The following RASGRF2 variants were observed in gnomAD, a reference collection of about 807,000 sequenced individuals.
RASGRF2 encodes the protein Ras protein specific guanine nucleotide releasing factor 2.
RASGRF2 carries 76 observed loss-of-function variants against 151.0 expected under a neutral mutation model. That is an observed-to-expected ratio of 0.50 (90% CI 0.42 to 0.61). RASGRF2 has a LOEUF of 0.61. Ranked by LOEUF, RASGRF2 falls within the 20% of genes least tolerant of loss-of-function variation. The probability of loss-of-function intolerance (pLI) is 0.00; values close to 1 mark genes in which losing one functional copy is unlikely to be tolerated. For missense variants in RASGRF2, 1,148 were observed against 1,564.6 expected, an observed-to-expected ratio of 0.73 and a Z score of 4.49; for synonymous variants, 504 against 566.5, an observed-to-expected ratio of 0.89 and a Z score of 1.57.
At chr5:80,963,247 G>A (rs898860292) in intron 1 of RASGRF2, among the ~76,000 whole-genome samples, 4 of 152,312 alleles carry the variant, frequency 2.6e-5, no homozygotes, top group Admixed American at 2.0e-4. Context: ...ATCTGTGGAG[G>A]ATGTGAGGAG....
intron 1 of RASGRF2, among the ~76,000 whole-genome samples, chr5:81,000,708 T>C (rs1284465272): frequency 6.6e-6 from 1 of 152,222 alleles, no homozygotes; most frequent in African/African-American, 2.4e-5. Context: ...TCTGATGGCA[T>C]GGGACTGGTG....
chr5:81,216,654 A>C (rs1052640676), intron 24 of RASGRF2, among the ~76,000 whole-genome samples: 1 of 152,204 alleles, frequency 6.6e-6, no homozygotes, highest in Admixed American at 6.5e-5. Flanking sequence ...TCAAGAGATA[A>C]GCTTTTCTAT....
intron 1 of RASGRF2, among the ~76,000 whole-genome samples, chr5:81,036,759 G>C (rs1168329248): frequency 6.6e-6 from 1 of 151,990 alleles, no homozygotes; most frequent in South Asian, 2.1e-4. Flanking sequence ...CTGTACAGCT[G>C]TCATTCAGAG....
intron 22 of RASGRF2, among the ~76,000 whole-genome samples, chr5:81,209,733 G>A (rs768250330): frequency 6.6e-6 from 1 of 152,176 alleles, no homozygotes; most frequent in Non-Finnish European, 1.5e-5. Flanking sequence ...CACTCAAAGA[G>A]AGGTTCGATC....
rs1561544850 is a variant in RASGRF2 at position 80,996,521 on chromosome 5, C to CTTCTTCTTCTTCTTCTTCTT, written c.288+35495_288+35496insTTCTTCTTCTTCTTCTTCTT. Among the ~76,000 whole-genome samples, 8 of 24,698 alleles carry CTTCTTCTTCTTCTTCTTCTT rather than the reference C, an allele frequency of 3.2e-4. 1 individual carries two copies. Among genetic ancestry groups the CTTCTTCTTCTTCTTCTTCTT allele is most frequent in the African/African-American group, 4.7e-4 (3 of 6,428 alleles). 16.2% of individuals were successfully genotyped at this position (24,698 alleles called of 152,430 possible). A position where few individuals can be genotyped will look rare whatever the true frequency, so the allele number is the denominator to read the frequency against. On this transcript the variant is annotated intron_variant, in intron 1 of 26. Coordinates refer to ENST00000265080, the MANE Select transcript of RASGRF2 (RefSeq NM_006909.3). ...TTCTTCTTCCTCCTCCTCCTCCTCCCCCTCCTCCTCCTCCCCCTCCTCCTC... is the reference window on the plus strand; with the variant it reads ...TTCTTCTTCCTCCTCCTCCTCCTCCCTTCTTCTTCTTCTTCTTCTTCCTCCTCCTCCTCCCCCTCCTCCTC...
At chr5:80,967,684 G>A (rs2112209029) in intron 1 of RASGRF2, among the ~76,000 whole-genome samples, 1 of 152,298 alleles carries the variant, frequency 6.6e-6, no homozygotes, top group Admixed American at 6.5e-5. Context: ...AATGTAAACA[G>A]TGGGGTCAGT....
intron 1 of RASGRF2, among the ~76,000 whole-genome samples, chr5:81,018,571 C>T (rs887966693): frequency 3.3e-5 from 5 of 152,024 alleles, no homozygotes; most frequent in African/African-American, 4.8e-5. Context: ...AGATTAAATT[C>T]AGAGCAAACA....
chr5:81,165,008 C>T (rs545636396), intron 17 of RASGRF2, among the ~76,000 whole-genome samples: 4 of 152,304 alleles, frequency 2.6e-5, no homozygotes, highest in Non-Finnish European at 5.9e-5. Context: ...GAAAGACAGG[C>T]GGAGCCAATC....
chr5:81,150,961 C>T (rs1230419035), intron 17 of RASGRF2, among the ~76,000 whole-genome samples: 2 of 152,162 alleles, frequency 1.3e-5, no homozygotes, highest in Non-Finnish European at 2.9e-5. Flanking sequence ...ATGACCTGCA[C>T]TGGGACTGTT....
At chr5:80,994,184 T>C (rs535603374) in intron 1 of RASGRF2, among the ~76,000 whole-genome samples, 1 of 151,844 alleles carries the variant, frequency 6.6e-6, no homozygotes, top group Admixed American at 6.6e-5. Flanking sequence ...GCTAACACGG[T>C]GAAACCCCGT....
At chr5:80,978,652 T>C (rs1272222437) in intron 1 of RASGRF2, among the ~76,000 whole-genome samples, 1 of 152,180 alleles carries the variant, frequency 6.6e-6, no homozygotes, top group African/African-American at 2.4e-5. Context: ...CTGGGCGCGA[T>C]GGCGGGTGCC....
At chr5:80,982,875 C>T (rs1057254021) in intron 1 of RASGRF2, among the ~76,000 whole-genome samples, 7 of 152,064 alleles carry the variant, frequency 4.6e-5, no homozygotes, top group African/African-American at 1.7e-4. Context: ...GCTGGGATTA[C>T]AGGTGTGAGC....
intron 18 of RASGRF2, among the ~76,000 whole-genome samples, chr5:81,192,108 T>C (rs1179977790): frequency 6.6e-6 from 1 of 152,196 alleles, no homozygotes; most frequent in Non-Finnish European, 1.5e-5. Context: ...CCATGGACTT[T>C]TATGCATTCA....
At chr5:81,172,280 A>T (rs1385355851) in intron 17 of RASGRF2, among the ~76,000 whole-genome samples, 1 of 152,204 alleles carries the variant, frequency 6.6e-6, no homozygotes, top group Non-Finnish European at 1.5e-5. Context: ...CATGTTGTTT[A>T]AAAAAACTAT....
chr5:81,197,462 C>CAAAAAAAAAAAAA (rs10674027), intron 18 of RASGRF2, among the ~76,000 whole-genome samples: 5 of 63,724 alleles, frequency 7.8e-5, no homozygotes, highest in Non-Finnish European at 1.0e-4. Flanking sequence ...GACTCCGTCT[C>CAAAAAAAAAAAAA]AAAAAAAAAA....
intron 1 of RASGRF2, among the ~76,000 whole-genome samples, chr5:81,039,594 A>G (rs547255788): frequency 2.0e-5 from 3 of 152,296 alleles, no homozygotes; most frequent in African/African-American, 4.8e-5. Flanking sequence ...ATAAACATCA[A>G]TCAAAAAAGA....
At chr5:81,045,504 ATGT>A (rs1224850719) in intron 2 of RASGRF2, among the ~76,000 whole-genome samples, 1 of 152,234 alleles carries the variant, frequency 6.6e-6, no homozygotes, top group Non-Finnish European at 1.5e-5. Flanking sequence ...GGCATGTGTG[ATGT>A]TGTCAGGAGA....
intron 19 of RASGRF2, among the ~76,000 whole-genome samples, chr5:81,202,714 G>A (rs991178580): frequency 2.0e-5 from 3 of 152,242 alleles, no homozygotes; most frequent in Non-Finnish European, 4.4e-5. Context: ...TTGGAGTAGG[G>A]TGGACCCCAA....
chr5:81,025,051 C>G (rs1439462535), intron 1 of RASGRF2, among the ~76,000 whole-genome samples: 1 of 152,176 alleles, frequency 6.6e-6, no homozygotes, highest in Non-Finnish European at 1.5e-5. Flanking sequence ...GGATGCTCCC[C>G]TTTCAAGAAG....
Sources: allele counts gnomAD v4.1 joint callset (sites outside exome capture counted in the v4.1 genomes callset), GRCh38; gene constraint gnomAD v4.1.1; transcripts MANE v1.5; gene names NCBI Gene and HGNC (gene_info 2026-07-23, HGNC 2026-07-21).